The following LONRF1 variants were observed in gnomAD, a reference collection of about 807,000 sequenced individuals.
LONRF1 encodes LON peptidase N-terminal domain and RING finger protein 1.
Under a neutral mutation model 85.8 loss-of-function variants are expected in LONRF1, and 37 were observed. The ratio of observed to expected loss-of-function variants is 0.43; its 90% CI spans 0.33 to 0.57. The LOEUF (loss-of-function observed/expected upper bound fraction) is 0.57. Ranked by LOEUF, LONRF1 falls within the 20% of genes least tolerant of loss-of-function variation. The pLI is 0.04. For synonymous variants in LONRF1, 517 were observed against 390.1 expected (o/e 1.33, Z -3.83); for missense variants, 1,036 against 978.0 (o/e 1.06, Z -0.79).
intron 3 of LONRF1, among the ~76,000 whole-genome samples, chr8:12,740,553 C>G (rs958525475): frequency 4.6e-5 from 7 of 152,112 alleles, no homozygotes; most frequent in African/African-American, 1.7e-4. Context: ...AGGCAAAAGG[C>G]AGGTCAGTAA....
At chr8:12,741,633 C>T (rs569854124) in intron 2 of LONRF1, among the ~76,000 whole-genome samples, 11 of 151,822 alleles carry the variant, frequency 7.2e-5, no homozygotes, top group South Asian at 2.1e-4. Flanking sequence ...GGAAATTATA[C>T]GTAAAATTAT....
At chr8:12,737,420 T>C (rs1200362474) in intron 4 of LONRF1, 1 of 590,562 alleles carries the variant, frequency 1.7e-6, no homozygotes, top group Non-Finnish European at 3.1e-6. Context: ...TTTCTTGTCA[T>C]TATTCCCTAG....
chr8:12,751,222 G>C lies in LONRF1; in HGVS notation c.721+3478C>G, dbSNP rs376582783. The stretch of plus-strand genomic sequence containing the variant: ...TACAGTACTCCATAGAATTCTCTGT[G>C]AAGATCAAATGATATTAATATAAAT... On this transcript the variant is annotated intron_variant, in intron 1 of 11. Transcript: ENST00000398246. Among the ~76,000 whole-genome samples the C allele has an allele frequency of 2.7e-3, 412 of 150,596 alleles. 2 individuals are homozygous for C. Among genetic ancestry groups the C allele is most frequent in the African/African-American group, 9.7e-3 (395 of 40,882 alleles).
chr8:12,736,997 A>T lies in LONRF1; in HGVS notation c.1257T>A (p.Val419=). 1.9e-6 allele frequency: 3 copies of T among 1,613,566 alleles called. No homozygotes were observed. Among genetic ancestry groups the T allele is most frequent in the Non-Finnish European group, 2.5e-6 (3 of 1,179,702 alleles). Residue 419 remains valine (V), a synonymous_variant, in exon 5 of 12, where the codon GTT becomes GTA. Transcript: ENST00000398246. ...TTTTCAGCAGAACACCTTTTTCTTG[A>T]ACTGACAGAACAGGTTCTGAGGACA... The part of the protein sequence containing the change: ...KRVSSEPVLS[V]QEKGVLLKRK...
intron 1 of LONRF1, among the ~76,000 whole-genome samples, chr8:12,751,184 C>T (rs1284783641): frequency 6.6e-6 from 1 of 151,536 alleles, no homozygotes. Flanking sequence ...CAGTTTCCCT[C>T]TGAGGATAAT....
chr8:12,738,278 G>A, intron 3 of LONRF1, 134 bp from the exon 4 acceptor site: 3 of 581,332 alleles, frequency 5.2e-6, no homozygotes, highest in South Asian at 2.7e-5. Context: ...AGGGGAACAA[G>A]GTAAGCAACA....
intron 1 of LONRF1, among the ~76,000 whole-genome samples, chr8:12,751,956 A>G (rs1799424064): frequency 1.3e-5 from 2 of 152,212 alleles, no homozygotes; most frequent in Admixed American, 6.5e-5. Context: ...AATGGTTTAA[A>G]TGTTATCTAA....
intron 7 of LONRF1, among the ~76,000 whole-genome samples, chr8:12,732,341 C>A (rs902643394): frequency 6.6e-6 from 1 of 152,148 alleles, no homozygotes; most frequent in African/African-American, 2.4e-5. Context: ...ATTTTTCTTC[C>A]ATTGTCACCC....
At chr8:12,731,958 T>C (rs1186347007) in intron 7 of LONRF1, 101 bp from the exon 8 acceptor site, 3 of 1,089,848 alleles carry the variant, frequency 2.8e-6, no homozygotes, top group Non-Finnish European at 4.0e-6. Context: ...TACATACTTA[T>C]ACCATCAATT....
At position 12,729,099 on chromosome 8, in the gene LONRF1, CAT is replaced by C. The variant is rs768040675; in HGVS notation, c.1848-38_1848-37del. ...ACCTTGATTAGTAACAAAGTTGAAACATAAACATGCAAGTTCTCATCCATATT... is the reference window on the plus strand; with the variant it reads ...ACCTTGATTAGTAACAAAGTTGAAACAAACATGCAAGTTCTCATCCATATT... On this transcript the variant is annotated intron_variant, in intron 9 of 11. Transcript: ENST00000398246. 10 of 1,612,222 alleles carry C rather than the reference CAT, an allele frequency of 6.2e-6. No homozygotes were observed. The East Asian group carries it at 1.1e-4, about 18-fold the overall frequency.
At chr8:12,744,308 G>T (rs555573439) in intron 1 of LONRF1, among the ~76,000 whole-genome samples, 1 of 152,200 alleles carries the variant, frequency 6.6e-6, no homozygotes, top group African/African-American at 2.4e-5. Flanking sequence ...AGTTGCTGGT[G>T]CCTGAGAACT....
chr8:12,736,600 C>G, intron 6 of LONRF1, 101 bp downstream of exon 6: 2 of 775,976 alleles, frequency 2.6e-6, no homozygotes, highest in East Asian at 5.8e-5. Context: ...TTTATTCCAG[C>G]ATTGTGTTAC....
At chr8:12,732,175 A>G (rs1798552280) in intron 7 of LONRF1, among the ~76,000 whole-genome samples, 1 of 152,212 alleles carries the variant, frequency 6.6e-6, no homozygotes. Flanking sequence ...GCCCTTTTCC[A>G]CCTGACAGCT....
chr8:12,735,979 C>T (rs1460910562), intron 6 of LONRF1, among the ~76,000 whole-genome samples: 1 of 152,126 alleles, frequency 6.6e-6, no homozygotes, highest in Non-Finnish European at 1.5e-5. Flanking sequence ...ACTAGTTTTA[C>T]TTATTTTCTG....
At chr8:12,724,897 T>G (rs554436363) in intron 11 of LONRF1, among the ~76,000 whole-genome samples, 1 of 152,192 alleles carries the variant, frequency 6.6e-6, no homozygotes, top group Non-Finnish European at 1.5e-5. Flanking sequence ...TTCAGACAAA[T>G]GTAGACCAAC....
At chr8:12,737,198 C>T in intron 4 of LONRF1, 58 bp from the exon 5 acceptor site, 2 of 1,574,228 alleles carry the variant, frequency 1.3e-6, no homozygotes, top group Non-Finnish European at 1.7e-6. Flanking sequence ...TTATTCCTCT[C>T]ACCAAGAATC....
intron 4 of LONRF1, 190 bp from the exon 5 acceptor site, chr8:12,737,330 C>G (rs1480271372): frequency 1.4e-6 from 1 of 738,374 alleles, no homozygotes; most frequent in Admixed American, 2.0e-5. Context: ...CCCTCCGTAT[C>G]CACAGGCTCT....
chr8:12,727,085 T>C (rs1798338472), intron 10 of LONRF1: 1 of 149,058 alleles, frequency 6.7e-6, no homozygotes, highest in Non-Finnish European at 1.5e-5. Context: ...CATACATTGA[T>C]AGGAGCAAGA....
rs914012876 is a variant in LONRF1 at position 12,755,421 on chromosome 8, G to A, written c.-1C>T. Reference sequence around the variant, plus strand: ...TCCTCGCCACCGCCGGAGAGGACATGGCCCGCGGAGGGCTGCGCCGCCGCC... The same window carrying A: ...TCCTCGCCACCGCCGGAGAGGACATAGCCCGCGGAGGGCTGCGCCGCCGCC... On this transcript the variant is annotated 5_prime_UTR_variant, in exon 1 of 12. Coordinates refer to ENST00000398246, the MANE Select transcript of LONRF1 (RefSeq NM_152271.5). The A allele has an allele frequency of 3.5e-6, 4 of 1,143,746 alleles. No individual in the cohort carries two copies. The highest frequency in any genetic ancestry group is 4.3e-6 in the Non-Finnish European group (4 of 932,456). The allele number at this position is 1,143,746 out of a possible 1,614,324, so 70.8% of individuals were successfully genotyped here. A position where few individuals can be genotyped will look rare whatever the true frequency, so the allele number is the denominator to read the frequency against.
Sources: gnomAD v4.1 joint callset for allele counts (sites outside exome capture counted in the v4.1 genomes callset) on GRCh38, gnomAD v4.1.1 for gene constraint, MANE v1.5 for transcripts, NCBI Gene and HGNC (gene_info 2026-07-23, HGNC 2026-07-21) for gene names.